RANBP17: variants seen among roughly 807,000 people sequenced by gnomAD.
RANBP17 encodes RAN binding protein 17.
In RANBP17, 158 loss-of-function variants were observed where a neutral mutation model predicts 141.2. That is an observed-to-expected ratio of 1.12 (90% CI 0.98 to 1.28). The LOEUF is 1.28. RANBP17 is among the 50% of genes most tolerant of loss of function. RANBP17 has a pLI of 0.00. For missense variants in RANBP17, 1,438 were observed against 1,290.7 expected, an observed-to-expected ratio of 1.11 and a Z score of -1.75; for synonymous variants, 430 against 450.0, an observed-to-expected ratio of 0.96 and a Z score of 0.56.
chr5:171,053,088 G>A (rs1408773096), intron 14 of RANBP17, among the ~76,000 whole-genome samples: 1 of 152,114 alleles, frequency 6.6e-6, no homozygotes, highest in Middle Eastern at 3.2e-3. Context: ...CCAAAGTCCT[G>A]GGATTACAGG....
intron 7 of RANBP17, 54 bp from the exon 8 acceptor site, chr5:170,914,113 G>T: frequency 1.7e-6 from 2 of 1,192,516 alleles, no homozygotes; most frequent in South Asian, 2.5e-5. Context: ...GTCTTACTTT[G>T]TTAAGATCAC....
chr5:170,948,496 A>C (rs1284929968), intron 12 of RANBP17, among the ~76,000 whole-genome samples: 1 of 152,220 alleles, frequency 6.6e-6, no homozygotes, highest in Non-Finnish European at 1.5e-5. Context: ...ATACTTAGGC[A>C]TAAATTTTAA....
intron 25 of RANBP17, among the ~76,000 whole-genome samples, chr5:171,274,016 G>T (rs570684020): frequency 6.6e-6 from 1 of 152,044 alleles, no homozygotes; most frequent in Non-Finnish European, 1.5e-5. Flanking sequence ...CAATAAACAG[G>T]CGATGAAGTG....
intron 18 of RANBP17, among the ~76,000 whole-genome samples, chr5:171,186,116 A>G (rs538457940): frequency 2.0e-5 from 3 of 152,308 alleles, no homozygotes; most frequent in African/African-American, 4.8e-5. Context: ...ATCAACTTCA[A>G]GTCACCATCA....
chr5:171,280,527 A>T lies in RANBP17; in HGVS notation c.2944-13356A>T, dbSNP rs1430173097. On this transcript the variant is annotated intron_variant, in intron 25 of 27. Coordinates refer to ENST00000523189, the MANE Select transcript of RANBP17 (RefSeq NM_022897.5). ...ACTCCTGAGCTGAAGTGATCCACCC[A>T]CCTCCCAAAGTGCTGAAATTACAGG... is the stretch of plus-strand genomic sequence containing the variant. 2.6e-5 allele frequency among the ~76,000 whole-genome samples: 4 copies of T among 151,784 alleles called. No homozygotes were observed. The East Asian group carries it at 7.8e-4, about 30-fold the overall frequency.
chr5:171,144,515 A>G (rs1474228323), intron 14 of RANBP17, among the ~76,000 whole-genome samples: 1 of 152,230 alleles, frequency 6.6e-6, no homozygotes, highest in African/African-American at 2.4e-5. Context: ...AGGGAAAAAA[A>G]TACAAACTGC....
intron 14 of RANBP17, among the ~76,000 whole-genome samples, chr5:171,004,570 T>A (rs893025613): frequency 6.6e-6 from 1 of 152,142 alleles, no homozygotes; most frequent in Non-Finnish European, 1.5e-5. Context: ...GGGACGGACT[T>A]ACTCTTCTCT....
chr5:171,070,785 A>G (rs1784588100), intron 14 of RANBP17, among the ~76,000 whole-genome samples: 2 of 152,090 alleles, frequency 1.3e-5, no homozygotes, highest in African/African-American at 4.8e-5. Flanking sequence ...GTTCTCTGCT[A>G]TATGGAGACT....
At chr5:170,957,072 A>AACACACACACACAC (rs58034888) in intron 13 of RANBP17, among the ~76,000 whole-genome samples, 5,094 of 142,892 alleles carry the variant, frequency 0.036, 110 homozygotes, top group African/African-American at 0.051. Context: ...TCTGTCTCAA[A>AACACACACACACAC]ACACACACAC....
chr5:171,224,509 A>G (rs951332323), intron 22 of RANBP17, among the ~76,000 whole-genome samples: 1 of 152,248 alleles, frequency 6.6e-6, no homozygotes, highest in African/African-American at 2.4e-5. Context: ...TTCTCACAGA[A>G]TAATGCCAAA....
chr5:171,121,835 C>G (rs1756059482), intron 14 of RANBP17, among the ~76,000 whole-genome samples: 1 of 152,174 alleles, frequency 6.6e-6, no homozygotes, highest in Admixed American at 6.5e-5. Flanking sequence ...ACACCCCCAC[C>G]CCTGCCAAGA....
At chr5:171,115,197 A>G (rs946119895) in intron 14 of RANBP17, among the ~76,000 whole-genome samples, 4 of 152,198 alleles carry the variant, frequency 2.6e-5, no homozygotes, top group Admixed American at 2.0e-4. Flanking sequence ...CTTCTTAAAA[A>G]TAGCATCTTT....
chr5:171,125,567 T>C (rs1004759782), intron 14 of RANBP17, among the ~76,000 whole-genome samples: 3 of 152,220 alleles, frequency 2.0e-5, no homozygotes, highest in African/African-American at 7.2e-5. Context: ...CCAGCTATTA[T>C]TGTATTGGTG....
At chr5:171,011,110 G>T (rs776266827) in intron 14 of RANBP17, among the ~76,000 whole-genome samples, 1 of 152,046 alleles carries the variant, frequency 6.6e-6, no homozygotes, top group Non-Finnish European at 1.5e-5. Flanking sequence ...AAAAAAGATT[G>T]CAGACTAACA....
intron 12 of RANBP17, among the ~76,000 whole-genome samples, chr5:170,936,132 A>ACCT (rs1773853576): frequency 6.6e-6 from 1 of 152,148 alleles, no homozygotes; most frequent in Non-Finnish European, 1.5e-5. Context: ...CCGTCTGCTA[A>ACCT]GGCCATTGGA....
At chr5:170,906,458 T>A (rs1771082977) in intron 5 of RANBP17, among the ~76,000 whole-genome samples, 1 of 151,966 alleles carries the variant, frequency 6.6e-6, no homozygotes, top group South Asian at 2.1e-4. Flanking sequence ...TCTCCTTGCC[T>A]CCTATCAGGA....
At chr5:171,072,293 A>G (rs2127694965) in intron 14 of RANBP17, among the ~76,000 whole-genome samples, 1 of 152,282 alleles carries the variant, frequency 6.6e-6, no homozygotes, top group South Asian at 2.1e-4. Flanking sequence ...ACACAGTCCT[A>G]CTGACACCTT....
intron 13 of RANBP17, among the ~76,000 whole-genome samples, chr5:170,967,349 G>C (rs547049281): frequency 5.3e-5 from 8 of 152,196 alleles, no homozygotes; most frequent in African/African-American, 1.7e-4. Flanking sequence ...GGGTGGGTCA[G>C]GCCTAGACAG....
chr5:170,892,681 T>C (rs1769752268), intron 4 of RANBP17, 128 bp downstream of exon 4: 1 of 682,690 alleles, frequency 1.5e-6, no homozygotes, highest in Non-Finnish European at 2.4e-6. Flanking sequence ...ATTTATTATT[T>C]ATCCTCTGGA....
Sources: allele counts gnomAD v4.1 joint callset (sites outside exome capture counted in the v4.1 genomes callset), GRCh38; gene constraint gnomAD v4.1.1; transcripts MANE v1.5; gene names NCBI Gene and HGNC (gene_info 2026-07-23, HGNC 2026-07-21).